The following TRIM2 variants were observed in gnomAD, a reference collection of about 807,000 sequenced individuals.
TRIM2 encodes tripartite motif containing 2.
In TRIM2, 20 loss-of-function variants were observed where a neutral mutation model predicts 75.2. The observed-to-expected ratio is 0.27, with a 90% confidence interval of 0.19 to 0.39. The LOEUF is 0.39. TRIM2 is among the 10% of genes least tolerant of loss of function. TRIM2 has a pLI of 1.00. For missense variants in TRIM2, 660 were observed against 990.8 expected (o/e 0.67, Z 4.48); for synonymous variants, 373 against 388.3 (o/e 0.96, Z 0.46).
intron 1 of TRIM2, among the ~76,000 whole-genome samples, chr4:153,175,250 G>A (rs979686099): frequency 2.6e-5 from 4 of 152,060 alleles, no homozygotes; most frequent in Admixed American, 2.0e-4. Context: ...TCGAACTGCT[G>A]ACCTCGTGAT....
chr4:153,247,812 T>A (rs1194958957), intron 1 of TRIM2, among the ~76,000 whole-genome samples: 2 of 152,076 alleles, frequency 1.3e-5, no homozygotes, highest in Non-Finnish European at 2.9e-5. Context: ...TATTAAACTA[T>A]TCATATGCCC....
chr4:153,203,103 CAAAAAAAAAAA>C (rs200371158), upstream of TRIM2, among the ~76,000 whole-genome samples: 4 of 87,324 alleles, frequency 4.6e-5, no homozygotes, highest in African/African-American at 9.7e-5. Flanking sequence ...GACTCCATCT[CAAAAAAAAAAA>C]AAAAAAAAAA....
At chr4:153,271,846 G>A (rs1341235046) in intron 2 of TRIM2, among the ~76,000 whole-genome samples, 3 of 152,156 alleles carry the variant, frequency 2.0e-5, no homozygotes, top group Non-Finnish European at 2.9e-5. Context: ...CTCTATAGAA[G>A]TGCATTCAGA....
chr4:153,172,370 G>T (rs1465816322), intron 1 of TRIM2, among the ~76,000 whole-genome samples: 2 of 152,062 alleles, frequency 1.3e-5, no homozygotes, highest in African/African-American at 2.4e-5. Flanking sequence ...TGTATTTTTA[G>T]TAGAGATGGG....
rs983233662 is a variant in TRIM2 at position 153,295,211 on chromosome 4, C to T, written c.787-102C>T. The T allele has an allele frequency of 7.0e-7, 1 of 1,421,770 alleles. No homozygotes were observed. Among genetic ancestry groups the T allele is most frequent in the Admixed American group, 2.9e-5 (1 of 34,682 alleles). The allele number at this position is 1,421,770 out of a possible 1,614,324, so 88.1% of individuals were successfully genotyped here. On this transcript the variant is annotated intron_variant, in intron 5 of 11. Transcript: ENST00000338700. The surrounding 1 kb of genome is among the most constrained non-coding windows in gnomAD (Gnocchi z 7.2). ...AACACCGCTTGCTCAGAGCCACCTG[C>T]GTGGGCAGGTGTAGAGTCTCCTTCT...
intron 1 of TRIM2, among the ~76,000 whole-genome samples, chr4:153,181,243 C>G (rs1025740157): frequency 2.0e-5 from 3 of 151,942 alleles, no homozygotes; most frequent in Admixed American, 1.3e-4. Flanking sequence ...TTGTCCAGGT[C>G]TCACAGAACA....
intron 1 of TRIM2, chr4:153,257,590 T>C: frequency 7.8e-7 from 1 of 1,289,750 alleles, no homozygotes; most frequent in Non-Finnish European, 1.0e-6. Context: ...GGGCTTCTGA[T>C]GATGGCTGCA....
chr4:153,230,520 A>AAAG (rs1390167796), intron 1 of TRIM2, among the ~76,000 whole-genome samples: 5 of 152,322 alleles, frequency 3.3e-5, no homozygotes, highest in Middle Eastern at 6.8e-3. Flanking sequence ...TCAGTTACAA[A>AAAG]AACAAAAAAC....
rs1560873285 is a variant in TRIM2 at position 153,244,281 on chromosome 4, TC to T, written c.31-26052del. On this transcript the variant is annotated intron_variant, in intron 1 of 11. Transcript: ENST00000338700. The stretch of plus-strand genomic sequence containing the variant: ...CTCCTCCTCCTCCTCCTCCTCCTCC[TC>T]CTCCTCCTCCTCCTCCTCCTCCTCC... Among the ~76,000 whole-genome samples, 44 of 21,420 alleles carry T rather than the reference TC, an allele frequency of 2.1e-3. 7 individuals are homozygous for T. Among genetic ancestry groups the T allele is most frequent in the African/African-American group, 0.011 (41 of 3,632 alleles). The allele number at this position is 21,420 out of a possible 152,430, so 14.1% of individuals were successfully genotyped here. A position where few individuals can be genotyped will look rare whatever the true frequency, so the allele number is the denominator to read the frequency against.
intron 1 of TRIM2, among the ~76,000 whole-genome samples, chr4:153,165,624 C>T (rs557080835): frequency 3.4e-4 from 52 of 152,264 alleles, no homozygotes; most frequent in South Asian, 2.5e-3. Context: ...TCTACCCCGA[C>T]GCTTCTTAGT....
intron 8 of TRIM2, among the ~76,000 whole-genome samples, chr4:153,317,685 G>T (rs1300329739): frequency 2.6e-5 from 4 of 151,798 alleles, no homozygotes; most frequent in African/African-American, 9.7e-5. Context: ...TATCTTGCCT[G>T]GGCATGGTGG....
intron 1 of TRIM2, among the ~76,000 whole-genome samples, chr4:153,212,695 A>T (rs1041722396): frequency 2.6e-5 from 4 of 152,168 alleles, no homozygotes; most frequent in African/African-American, 7.2e-5. Context: ...AAAGAGGTGG[A>T]TGCAGACTGG....
At chr4:153,242,003 T>C (rs962380716) in intron 1 of TRIM2, among the ~76,000 whole-genome samples, 1 of 152,216 alleles carries the variant, frequency 6.6e-6, no homozygotes, top group Admixed American at 6.5e-5. Context: ...TAATAGCTAA[T>C]TAAAAATAGA....
intron 1 of TRIM2, among the ~76,000 whole-genome samples, chr4:153,174,743 G>C (rs889267818): frequency 6.6e-6 from 1 of 152,214 alleles, no homozygotes; most frequent in Non-Finnish European, 1.5e-5. Flanking sequence ...ACGCTAGAGA[G>C]AGCTCGGCAG....
chr4:153,336,627 AC>A lies in TRIM2; in HGVS notation c.*1662del, dbSNP rs1772485612. The A allele has an allele frequency of 4.1e-6, 4 of 985,706 alleles. No homozygotes were observed. The South Asian group carries it at 1.9e-4, about 46-fold the overall frequency. The allele number at this position is 985,706 out of a possible 1,614,324, so 61.1% of individuals were successfully genotyped here. On this transcript the variant is annotated 3_prime_UTR_variant, in exon 12 of 12. Coordinates refer to ENST00000338700, the MANE Select transcript of TRIM2 (RefSeq NM_015271.5). The stretch of plus-strand genomic sequence containing the variant: ...TTCACTGAAAGCACCTTAGAACTGT[AC>A]TATAAGAAAACATTTCCCCTATGTA...
In TRIM2 at chr4:153,295,591, A is replaced by T. The variant is rs1376886785; in HGVS notation, c.1065A>T (p.Thr355=). ...CCACCAACGCCGTTGCCTCAGAGAC[A>T]GTGGCCACGGGCGAGGGGCTGCGGC... ...ILTTNAVASE[T]VATGEGLRQT... The change falls in exon 6 of 12, where the codon ACA becomes ACT. Residue 355 remains threonine, a synonymous_variant. Transcript: ENST00000338700. The surrounding 1 kb of genome is among the most constrained non-coding windows in gnomAD (Gnocchi z 7.2). 6.2e-7 allele frequency: 1 copy of T among 1,613,418 alleles called. No individual in the cohort carries two copies. The highest frequency in any genetic ancestry group is 1.3e-5 in the African/African-American group (1 of 74,886).
At chr4:153,319,392 G>T (rs560763256) in intron 8 of TRIM2, among the ~76,000 whole-genome samples, 6 of 152,214 alleles carry the variant, frequency 3.9e-5, no homozygotes, top group African/African-American at 7.2e-5. Flanking sequence ...ACTATTTGTT[G>T]AGTTAAATAC....
intron 1 of TRIM2, among the ~76,000 whole-genome samples, chr4:153,177,003 TC>T (rs1731505578): frequency 6.6e-6 from 1 of 152,222 alleles, no homozygotes; most frequent in Non-Finnish European, 1.5e-5. Context: ...TTACTTCTCT[TC>T]AAGTAGAAGG....
intron 1 of TRIM2, among the ~76,000 whole-genome samples, chr4:153,259,350 C>A (rs1005122723): frequency 6.6e-6 from 1 of 152,058 alleles, no homozygotes; most frequent in Non-Finnish European, 1.5e-5. Context: ...ATCTGGGTAT[C>A]CTTAGGCGTT....
Sources: gnomAD v4.1 joint callset for allele counts (sites outside exome capture counted in the v4.1 genomes callset) on GRCh38, gnomAD v4.1.1 for gene constraint, Gnocchi (gnomAD v3.1) non-coding constraint, MANE v1.5 for transcripts, NCBI Gene and HGNC (gene_info 2026-07-23, HGNC 2026-07-21) for gene names.